CFAP44: variants seen among roughly 807,000 people sequenced by gnomAD.
CFAP44 encodes cilia and flagella associated protein 44.
Under a neutral mutation model 216.2 loss-of-function variants are expected in CFAP44, and 134 were observed. The observed-to-expected ratio is 0.62, with a 90% CI of 0.54 to 0.72. The LOEUF (loss-of-function observed/expected upper bound fraction) is 0.72, where lower values mean the gene tolerates loss of function less well. CFAP44 is among the 30% of genes least tolerant of loss of function. CFAP44 has a pLI of 0.00. For missense variants in CFAP44, 2,035 were observed against 2,182.1 expected (o/e 0.93, Z 1.34); for synonymous variants, 700 against 727.6 (o/e 0.96, Z 0.61).
intron 26 of CFAP44, 37 bp from the exon 27 acceptor site, chr3:113,327,856 A>G: frequency 6.6e-7 from 1 of 1,518,264 alleles, no homozygotes; most frequent in Non-Finnish European, 8.8e-7. Context: ...ACGTTAGAAG[A>G]CTAGATAAAT....
intron 32 of CFAP44, among the ~76,000 whole-genome samples, chr3:113,302,779 A>AG (rs1332410098): frequency 4.6e-5 from 7 of 150,798 alleles, no homozygotes; most frequent in Admixed American, 6.6e-5. Flanking sequence ...TCTCAAAAAA[A>AG]AAAAAAAAAA....
At chr3:113,409,768 T>C (rs907918855) in intron 6 of CFAP44, among the ~76,000 whole-genome samples, 8 of 152,162 alleles carry the variant, frequency 5.3e-5, no homozygotes, top group African/African-American at 1.7e-4. Flanking sequence ...ACCCAACTGA[T>C]AAAACAGGAT....
At chr3:113,326,919 C>T (rs1362014709) in intron 27 of CFAP44, among the ~76,000 whole-genome samples, 1 of 152,016 alleles carries the variant, frequency 6.6e-6, no homozygotes, top group Non-Finnish European at 1.5e-5. Context: ...CCTTGAAATT[C>T]CTTAAATTGA....
At position 113,380,933 on chromosome 3, in the gene CFAP44, C is replaced by T. The variant is rs1933489726; in HGVS notation, c.2018G>A (p.Cys673Tyr). The T allele has an allele frequency of 6.3e-7, 1 of 1,586,518 alleles. No individual in the cohort carries two copies. The highest frequency in any genetic ancestry group is 8.6e-7 in the Non-Finnish European group (1 of 1,167,960). Residue 673 changes from cysteine to tyrosine, a missense_variant, in exon 16 of 35, where the codon TGT becomes TAT. Coordinates refer to ENST00000393845, the MANE Select transcript of CFAP44 (RefSeq NM_001164496.2). The stretch of plus-strand genomic sequence containing the variant: ...AGATTTGACACTTGAAAAATGGAAA[C>T]ATTTTATGCACATGTCTTTGATTTC... Reference protein sequence around the residue: ...SYEIKDMCIKCFHFSSVKSKI... With the variant: ...SYEIKDMCIKYFHFSSVKSKI...
chr3:113,350,936 G>T (rs752938727), intron 22 of CFAP44, among the ~76,000 whole-genome samples: 1 of 152,192 alleles, frequency 6.6e-6, no homozygotes, highest in African/African-American at 2.4e-5. Context: ...CCATACAGGG[G>T]TCTGACCAGA....
intron 6 of CFAP44, among the ~76,000 whole-genome samples, chr3:113,411,276 T>C (rs1934462363): frequency 6.6e-6 from 1 of 152,236 alleles, no homozygotes; most frequent in African/African-American, 2.4e-5. Context: ...TTTATGGTTT[T>C]AGGTCTAACA....
At chr3:113,349,298 C>T (rs9836199) in intron 22 of CFAP44, among the ~76,000 whole-genome samples, 1 of 152,112 alleles carries the variant, frequency 6.6e-6, no homozygotes, top group African/African-American at 2.4e-5. Flanking sequence ...TCCCAGTCAG[C>T]CACAGGTATC....
At chr3:113,382,232 G>A (rs1035406134) in intron 15 of CFAP44, among the ~76,000 whole-genome samples, 1 of 152,144 alleles carries the variant, frequency 6.6e-6, no homozygotes, top group Non-Finnish European at 1.5e-5. Context: ...GTGGGAGAGG[G>A]AACCAGCAAA....
At position 113,420,045 on chromosome 3, in the gene CFAP44, C is replaced by A; in HGVS notation, c.542G>T (p.Ser181Ile). The change falls in exon 5 of 35, where the codon AGC becomes ATC. Residue 181 changes from serine to isoleucine, a missense_variant. Ser to Ile is a moderately radical substitution (Grantham distance 142). Around this residue, in one of 3 missense-constraint regions of CFAP44, gnomAD observed 1,883 missense variants for 2,023.7 expected, o/e 0.93. Transcript: ENST00000393845. ...AATGACGCCAATTCCTTCACCACTGCTACTTCGCAGGTAGATCTGTTCCTT... is the reference window on the plus strand; with the variant it reads ...AATGACGCCAATTCCTTCACCACTGATACTTCGCAGGTAGATCTGTTCCTT... ...KTKEQIYLRS[S>I]SGEGIGVIGV... 1 of 1,613,830 alleles carries A rather than the reference C, an allele frequency of 6.2e-7. No homozygotes were observed. Among genetic ancestry groups the A allele is most frequent in the South Asian group, 1.1e-5 (1 of 91,022 alleles).
In CFAP44 at chr3:113,373,787, T is replaced by C. The variant is rs556366095; in HGVS notation, c.2299-231A>G. ...AAACCTCATGATGATTTGTTTTCAT[T>C]TAAAAGCCAATACAAGAGAGATATC... On this transcript the variant is annotated intron_variant, in intron 17 of 34. Transcript: ENST00000393845. Among the ~76,000 whole-genome samples the C allele has an allele frequency of 3.9e-5, 6 of 152,294 alleles. 1 individual carries two copies. In the South Asian group the frequency reaches 1.2e-3, roughly 32 times the overall value.
Position 113,291,592 on chromosome 3 carries a change from G to A in CFAP44, c.5530C>T (p.Pro1844Ser), listed in dbSNP as rs1038646154. 47 of 1,537,126 alleles carry A rather than the reference G, an allele frequency of 3.1e-5. No individual in the cohort carries two copies. Among genetic ancestry groups the A allele is most frequent in the Middle Eastern group, 1.7e-4 (1 of 6,012 alleles). The change falls in exon 35 of 35, where the codon CCA becomes TCA. Residue 1844 changes from proline to serine, a missense_variant. Physicochemically the swap from Pro to Ser is moderately conservative, Grantham distance 74. Transcript: ENST00000393845. ...GCGGGCTGTATCTCTTTCTCTCGTG[G>A]AGACTGAATGGGTGGGAGGATAAGA... ...GSLILPPIQS[P>S]REKEIQPADL
At chr3:113,308,136 C>T in intron 29 of CFAP44, 22 bp downstream of exon 29, 1 of 1,510,510 alleles carries the variant, frequency 6.6e-7, no homozygotes. Context: ...TCACAGAGAA[C>T]ACGTGGTTTT....
At chr3:113,359,551 G>A (rs1344003735) in intron 21 of CFAP44, among the ~76,000 whole-genome samples, 1 of 152,104 alleles carries the variant, frequency 6.6e-6, no homozygotes, top group Non-Finnish European at 1.5e-5. Context: ...TGCTCTGGAA[G>A]TTTCAACATT....
At chr3:113,396,399 A>C (rs992289539) in intron 14 of CFAP44, 119 bp downstream of exon 14, 2 of 1,147,192 alleles carry the variant, frequency 1.7e-6, no homozygotes, top group African/African-American at 3.1e-5. Flanking sequence ...AGAAAGCAAA[A>C]TGTGAATATA....
Position 113,399,997 on chromosome 3 carries a change from G to A in CFAP44, c.1478C>T (p.Ser493Phe). The A allele has an allele frequency of 6.4e-7, 1 of 1,565,120 alleles. No individual in the cohort carries two copies. The highest frequency in any genetic ancestry group is 8.6e-7 in the Non-Finnish European group (1 of 1,161,242). ...GCTAGCAAAATCATAGATTCGAACA[G>A]AGCCTATAGAAAGACAGTTTTAAAA... ...YLMATTALDC[S>F]VRIYDFASKT... Residue 493 changes from serine to phenylalanine, a missense_variant, in exon 13 of 35, where the codon TCT (serine) becomes TTT (phenylalanine). By Grantham distance (155) the Ser-to-Phe change is radical. Around this residue, in one of 3 missense-constraint regions of CFAP44, gnomAD observed 1,883 missense variants for 2,023.7 expected, o/e 0.93. Transcript: ENST00000393845.
chr3:113,361,788 G>A (rs921116332), intron 21 of CFAP44, among the ~76,000 whole-genome samples: 15 of 151,756 alleles, frequency 9.9e-5, no homozygotes, highest in African/African-American at 3.1e-4. Flanking sequence ...ATGAGCCACC[G>A]CGCCCAGCCT....
At chr3:113,301,592 C>G (rs897593281) in intron 32 of CFAP44, among the ~76,000 whole-genome samples, 2 of 151,958 alleles carry the variant, frequency 1.3e-5, no homozygotes, top group African/African-American at 4.8e-5. Flanking sequence ...GTTAAAAACC[C>G]AAATGTGAAG....
At chr3:113,347,436 A>G (rs1950396325) in intron 22 of CFAP44, among the ~76,000 whole-genome samples, 1 of 152,170 alleles carries the variant, frequency 6.6e-6, no homozygotes, top group Middle Eastern at 3.2e-3. Context: ...AATGCCTGTC[A>G]GACAAACTTC....
At chr3:113,348,607 T>A (rs1208848410) in intron 22 of CFAP44, among the ~76,000 whole-genome samples, 1 of 152,170 alleles carries the variant, frequency 6.6e-6, no homozygotes, top group Non-Finnish European at 1.5e-5. Context: ...CCCCTTCCTA[T>A]TAATGATAAG....
Sources: gnomAD v4.1 joint callset for allele counts (sites outside exome capture counted in the v4.1 genomes callset) on GRCh38, gnomAD v4.1.1 for gene constraint, gnomAD v4.1.1 regional missense constraint, MANE v1.5 for transcripts, NCBI Gene and HGNC (gene_info 2026-07-23, HGNC 2026-07-21) for gene names.